Variants in KCNQ4 observed in about 807,000 individuals in gnomAD.
The protein encoded by KCNQ4 is potassium voltage-gated channel subfamily Q member 4, also known as potassium voltage-gated channel subfamily KQT member 4.
In KCNQ4, 31 loss-of-function variants were observed where a neutral mutation model predicts 72.6. The observed-to-expected ratio is 0.43, with a 90% confidence interval of 0.32 to 0.58. KCNQ4 has a LOEUF of 0.58. Among genes scored for constraint, KCNQ4 ranks in the 20% least tolerant of loss-of-function variants. The pLI is 0.08. For missense variants in KCNQ4, 869 were observed against 962.6 expected, an observed-to-expected ratio of 0.90 and a Z score of 1.29; for synonymous variants, 405 against 403.7, an observed-to-expected ratio of 1.00 and a Z score of -0.04.
chr1:40,836,791 GTTGA>G (rs1020068235), intron 12 of KCNQ4, among the ~76,000 whole-genome samples: 4 of 152,302 alleles, frequency 2.6e-5, no homozygotes, highest in African/African-American at 9.6e-5. Flanking sequence ...GAGGACAGGA[GTTGA>G]TCAATGGATT....
intron 9 of KCNQ4, among the ~76,000 whole-genome samples, chr1:40,825,432 ACTCTAGAGTTTCTGGG>A (rs1176821308): frequency 6.6e-6 from 1 of 151,888 alleles, no homozygotes; most frequent in African/African-American, 2.4e-5. Flanking sequence ...GGCTCTGGGT[ACTCTAGAGTTTCTGGG>A]CTGAAAAGGC....
At chr1:40,824,341 C>T in intron 9 of KCNQ4, 83 bp downstream of exon 9, 1 of 1,458,206 alleles carries the variant, frequency 6.9e-7, no homozygotes, top group Middle Eastern at 1.7e-4. Flanking sequence ...CTCAGACCTG[C>T]CTTCAGCCAC....
chr1:40,807,688 T>A (rs186422149), intron 1 of KCNQ4, among the ~76,000 whole-genome samples: 1 of 152,190 alleles, frequency 6.6e-6, no homozygotes, highest in Non-Finnish European at 1.5e-5. Flanking sequence ...AAGTCCCTTC[T>A]TCGGTATCAG....
At chr1:40,821,939 G>A (rs537856668) in intron 7 of KCNQ4, among the ~76,000 whole-genome samples, 1 of 152,302 alleles carries the variant, frequency 6.6e-6, no homozygotes, top group African/African-American at 2.4e-5. Context: ...CACCCTGGTA[G>A]GCAAGTAGTG....
intron 9 of KCNQ4, among the ~76,000 whole-genome samples, chr1:40,827,460 C>T (rs964499327): frequency 5.3e-5 from 8 of 152,140 alleles, no homozygotes; most frequent in Admixed American, 1.3e-4. Flanking sequence ...AGCTGGCAGC[C>T]CAGTTTGGCC....
At chr1:40,818,404 C>A in intron 3 of KCNQ4, 101 bp from the exon 4 acceptor site, 2 of 1,541,764 alleles carry the variant, frequency 1.3e-6, no homozygotes, top group South Asian at 2.2e-5. Flanking sequence ...GCGGACCCTC[C>A]CCCTCCCTCC....
At chr1:40,812,558 C>T (rs1647961003) in intron 1 of KCNQ4, among the ~76,000 whole-genome samples, 1 of 152,136 alleles carries the variant, frequency 6.6e-6, no homozygotes, top group Non-Finnish European at 1.5e-5. Context: ...CACCGCGCCT[C>T]GTCCCAGGAT....
At position 40,808,815 on chromosome 1, in the gene KCNQ4, G is replaced by A. The variant is rs145874964; in HGVS notation, c.315-8450G>A. Among the ~76,000 whole-genome samples the A allele has an allele frequency of 4.0e-3, 601 of 152,122 alleles. 5 individuals carry two copies. Among genetic ancestry groups the A allele is most frequent in the African/African-American group, 0.014 (567 of 41,482 alleles). On this transcript the variant is annotated intron_variant, in intron 1 of 13. Transcript: ENST00000347132. ...TGATCTCTTGGCTCCTTCCACTCTG[G>A]CTCTCTCATCTTAAAAGAAAAGAAA...
At chr1:40,832,385 A>C (rs1483822618) in intron 10 of KCNQ4, among the ~76,000 whole-genome samples, 9 of 152,102 alleles carry the variant, frequency 5.9e-5, no homozygotes, top group Non-Finnish European at 2.9e-5. Context: ...TGCCCATAGA[A>C]GCCTGGGCAC....
At chr1:40,803,777 G>C (rs989694313) in intron 1 of KCNQ4, among the ~76,000 whole-genome samples, 1 of 152,214 alleles carries the variant, frequency 6.6e-6, no homozygotes, top group Non-Finnish European at 1.5e-5. Context: ...GATGCCCCAG[G>C]TGTGGCCTGT....
At chr1:40,833,138 AC>A in intron 11 of KCNQ4, 25 bp downstream of exon 11, 13 of 1,568,814 alleles carry the variant, frequency 8.3e-6, no homozygotes, top group East Asian at 2.2e-5. Context: ...TGAGGCGAGC[AC>A]CCCCCTCCGT....
intron 12 of KCNQ4, among the ~76,000 whole-genome samples, chr1:40,837,088 TTTC>T (rs869170397): frequency 0.012 from 1,192 of 102,946 alleles, 17 homozygotes; most frequent in African/African-American, 0.052. Flanking sequence ...TTTCTTTTCT[TTTC>T]TTTTTTTTTT....
At chr1:40,818,704 G>A (rs1196474274) in intron 4 of KCNQ4, 24 bp downstream of exon 4, 1 of 1,565,898 alleles carries the variant, frequency 6.4e-7, no homozygotes. Flanking sequence ...GCCGCGCGCG[G>A]AGACCCGAGG....
At chr1:40,825,405 G>C (rs989528157) in intron 9 of KCNQ4, among the ~76,000 whole-genome samples, 2 of 152,234 alleles carry the variant, frequency 1.3e-5, no homozygotes, top group East Asian at 3.8e-4. Context: ...AAAATCGGCA[G>C]TGTTTAGGCT....
intron 1 of KCNQ4, among the ~76,000 whole-genome samples, chr1:40,805,616 C>T (rs992659514): frequency 6.8e-6 from 1 of 146,144 alleles, no homozygotes; most frequent in African/African-American, 2.5e-5. Context: ...TGCTCAGACA[C>T]AGCATGAGTA....
In KCNQ4 at chr1:40,834,979, C is replaced by A; in HGVS notation, c.1626C>A (p.Phe542Leu). 6.2e-7 allele frequency: 1 copy of A among 1,613,748 alleles called. No homozygotes were observed. The highest frequency in any genetic ancestry group is 1.1e-5 in the South Asian group (1 of 91,068). ...TVIRSIRILK[F>L]LVAKRKFKET... is the part of the protein sequence containing the mutation. ...CCTCCCCCAACAGGATTCTCAAGTT[C>A]CTGGTGGCCAAAAGGAAATTCAAGG... Residue 542 changes from phenylalanine to leucine, a missense_variant, in exon 12 of 14, where the codon TTC becomes TTA. Phe to Leu is a conservative substitution (Grantham distance 22). Around this residue, in one of 5 missense-constraint regions of KCNQ4, gnomAD observed 480 missense variants for 501.9 expected, o/e 0.96. Coordinates refer to ENST00000347132, the MANE Select transcript of KCNQ4 (RefSeq NM_004700.4).
intron 8 of KCNQ4, among the ~76,000 whole-genome samples, chr1:40,823,371 A>G (rs1236899892): frequency 6.6e-6 from 1 of 151,924 alleles, no homozygotes; most frequent in Non-Finnish European, 1.5e-5. Context: ...AAGGCTGGGC[A>G]TTCGAGAGTG....
chr1:40,814,460 C>T (rs941129603), intron 1 of KCNQ4, among the ~76,000 whole-genome samples: 1 of 152,080 alleles, frequency 6.6e-6, no homozygotes, highest in African/African-American at 2.4e-5. Context: ...ATTGCCAGCT[C>T]TGGGAGGCAG....
intron 1 of KCNQ4, among the ~76,000 whole-genome samples, chr1:40,798,221 A>AG (rs1349112115): frequency 2.0e-5 from 3 of 152,174 alleles, no homozygotes; most frequent in Non-Finnish European, 4.4e-5. Flanking sequence ...ACCAGAACCC[A>AG]GGCTCAGTCC....
Sources: gnomAD v4.1 joint callset for allele counts (sites outside exome capture counted in the v4.1 genomes callset) on GRCh38, gnomAD v4.1.1 for gene constraint, gnomAD v4.1.1 regional missense constraint, MANE v1.5 for transcripts, NCBI Gene and HGNC (gene_info 2026-07-23, HGNC 2026-07-21) for gene names.